Variants in MEF2C observed in about 807,000 individuals in gnomAD.
MEF2C encodes myocyte-specific enhancer factor 2C.
A neutral mutation model predicts 50.5 loss-of-function variants in MEF2C; 6 were observed. The ratio of observed to expected loss-of-function variants is 0.12; its 90% CI spans 0.07 to 0.23. The LOEUF (loss-of-function observed/expected upper bound fraction) is 0.23. MEF2C is among the 10% of genes least tolerant of loss of function. The pLI is 1.00. For synonymous variants in MEF2C, 183 were observed against 228.0 expected, an observed-to-expected ratio of 0.80 and a Z score of 1.78; for missense variants, 276 against 605.0, an observed-to-expected ratio of 0.46 and a Z score of 5.70.
Position 88,717,713 on chromosome 5 carries a change from A to G in MEF2C, c.*4891T>C, listed in dbSNP as rs1755123938. On this transcript the variant is annotated 3_prime_UTR_variant, in exon 11 of 11. Transcript: ENST00000504921. The stretch of plus-strand genomic sequence containing the variant: ...AATCTTTCTATCAATCTTTTTAAGG[A>G]CATTCCCCTTTAGAGATTATTATTG... The G allele has an allele frequency of 6.6e-6, 1 of 152,164 alleles. No individual in the cohort carries two copies. 9.4% of individuals were successfully genotyped at this position (152,164 alleles called of 1,614,324 possible).
chr5:88,809,981 G>A (rs1288642968), intron 2 of MEF2C, among the ~76,000 whole-genome samples: 2 of 152,094 alleles, frequency 1.3e-5, no homozygotes, highest in Non-Finnish European at 1.5e-5. Flanking sequence ...GTATTACAAA[G>A]TTGGTTGTAT....
intron 4 of MEF2C, among the ~76,000 whole-genome samples, chr5:88,756,543 C>G (rs187503557): frequency 6.6e-6 from 1 of 152,288 alleles, no homozygotes; most frequent in East Asian, 1.9e-4. Flanking sequence ...TCAGGAATCT[C>G]AGTTACAGTC....
chr5:88,737,443 C>T (rs1415976459), intron 6 of MEF2C: 1 of 985,424 alleles, frequency 1.0e-6, no homozygotes, highest in Non-Finnish European at 1.2e-6. Flanking sequence ...ACAAGTCAGA[C>T]ATTTTCCCTA....
rs1322953016 is a variant in MEF2C at position 88,717,880 on chromosome 5, AT to A, written c.*4723del. 2 of 152,344 alleles carry A rather than the reference AT, an allele frequency of 1.3e-5. No homozygotes were observed. The highest frequency in any genetic ancestry group is 2.1e-4 in the South Asian group (1 of 4,830). 9.4% of individuals were successfully genotyped at this position (152,344 alleles called of 1,614,324 possible). ...ACTCTTTTGGAAACACTTTCTACAG[AT>A]TTTAGTTAAAAAATAACTTATGGTA... On this transcript the variant is annotated 3_prime_UTR_variant, in exon 11 of 11. Transcript: ENST00000504921.
intron 1 of MEF2C, among the ~76,000 whole-genome samples, chr5:88,831,956 G>A (rs1813236706): frequency 6.6e-6 from 1 of 152,046 alleles, no homozygotes. Context: ...CATGGCTCAT[G>A]GGCTTCCATA....
intron 3 of MEF2C, chr5:88,773,052 C>A (rs780379410): frequency 4.7e-6 from 2 of 427,778 alleles, no homozygotes; most frequent in South Asian, 9.8e-5. Flanking sequence ...GAACACAATA[C>A]GTAAGTCACA....
intron 3 of MEF2C, among the ~76,000 whole-genome samples, chr5:88,791,871 C>T (rs1483010177): frequency 6.6e-6 from 1 of 151,822 alleles, no homozygotes; most frequent in Non-Finnish European, 1.5e-5. Context: ...AAATCTTTTT[C>T]CCCTTTTCCC....
intron 1 of MEF2C, among the ~76,000 whole-genome samples, chr5:88,856,636 T>A (rs2153408341): frequency 6.6e-6 from 1 of 152,360 alleles, no homozygotes; most frequent in Non-Finnish European, 1.5e-5. Context: ...TGGTGCCCTG[T>A]GTCCCAGCTG....
intron 1 of MEF2C, chr5:88,825,701 T>C (rs1346903855): frequency 3.5e-6 from 3 of 858,094 alleles, no homozygotes; most frequent in Non-Finnish European, 4.2e-6. Context: ...AACTTTCCTG[T>C]GTTTCCTATA....
chr5:88,867,392 G>T (rs542066584), intron 1 of MEF2C, among the ~76,000 whole-genome samples: 6 of 152,202 alleles, frequency 3.9e-5, no homozygotes, highest in Admixed American at 3.3e-4. Flanking sequence ...GAGATTCTAG[G>T]TCTGCCATTA....
intron 1 of MEF2C, among the ~76,000 whole-genome samples, chr5:88,869,118 G>A (rs1428311524): frequency 6.6e-6 from 1 of 151,410 alleles, no homozygotes; most frequent in African/African-American, 2.4e-5. Flanking sequence ...TGCTATAATG[G>A]CAAAGTTGTT....
At chr5:88,740,933 T>C (rs1766417419) in intron 6 of MEF2C, 6 of 985,362 alleles carry the variant, frequency 6.1e-6, no homozygotes, top group Non-Finnish European at 7.2e-6. Flanking sequence ...TAAACAAAAA[T>C]ATTGAGACAG....
intron 1 of MEF2C, among the ~76,000 whole-genome samples, chr5:88,882,563 C>G (rs1248856143): frequency 6.6e-6 from 1 of 152,172 alleles, no homozygotes; most frequent in Non-Finnish European, 1.5e-5. Flanking sequence ...CCACAGTGAA[C>G]TAACTGCTAA....
chr5:88,834,217 C>T (rs970235759), intron 1 of MEF2C, among the ~76,000 whole-genome samples: 5 of 152,120 alleles, frequency 3.3e-5, no homozygotes, highest in South Asian at 2.1e-4. Context: ...GGTCCTCTAA[C>T]AGAATGCAGT....
At chr5:88,738,001 C>T (rs1764832013) in intron 6 of MEF2C, 11 of 985,282 alleles carry the variant, frequency 1.1e-5, no homozygotes, top group South Asian at 4.7e-5. Context: ...CTAGTTAGAA[C>T]GCCTTGCTCT....
intron 2 of MEF2C, among the ~76,000 whole-genome samples, chr5:88,809,534 C>T (rs866391850): frequency 4.6e-5 from 7 of 151,966 alleles, no homozygotes; most frequent in South Asian, 2.1e-4. Context: ...AATTCCATAA[C>T]GTTTAAAAGG....
chr5:88,874,449 G>A (rs1390074299), intron 1 of MEF2C, among the ~76,000 whole-genome samples: 6 of 151,838 alleles, frequency 4.0e-5, no homozygotes, highest in African/African-American at 1.5e-4. Context: ...AGAAAGTATT[G>A]ACTCATATAT....
intron 1 of MEF2C, among the ~76,000 whole-genome samples, chr5:88,830,840 T>C (rs1054516443): frequency 5.3e-5 from 8 of 152,108 alleles, no homozygotes; most frequent in African/African-American, 1.9e-4. Flanking sequence ...AGCTACAATT[T>C]AACATCAGAT....
At chr5:88,896,979 A>G (rs1225117831) in intron 1 of MEF2C, among the ~76,000 whole-genome samples, 5 of 149,726 alleles carry the variant, frequency 3.3e-5, no homozygotes, top group Admixed American at 6.6e-5. Flanking sequence ...ACAACTGGTT[A>G]TTAACAGGAT....
Sources: allele counts gnomAD v4.1 joint callset (sites outside exome capture counted in the v4.1 genomes callset), GRCh38; gene constraint gnomAD v4.1.1; transcripts MANE v1.5; gene names NCBI Gene and HGNC (gene_info 2026-07-23, HGNC 2026-07-21).